Variants in ANK3 observed in about 807,000 individuals in gnomAD.
ANK3 encodes the protein ankyrin 3, also known as ankyrin-3.
ANK3 carries 57 observed loss-of-function variants against 370.9 expected under a neutral mutation model. The observed-to-expected ratio is 0.15, with a 90% CI of 0.12 to 0.19. The LOEUF (loss-of-function observed/expected upper bound fraction) is 0.19, where lower values mean the gene tolerates loss of function less well. Among genes scored for constraint, ANK3 ranks in the 10% least tolerant of loss-of-function variants. The pLI, the probability that ANK3 is intolerant of heterozygous loss-of-function variation, is 1.00. For synonymous variants in ANK3, 1,929 were observed against 1,946.3 expected (o/e 0.99, Z 0.23); for missense variants, 4,439 against 5,302.1 (o/e 0.84, Z 5.06).
At chr10:60,493,428 T>A (rs1367666844) in intron 2 of ANK3, among the ~76,000 whole-genome samples, 1 of 151,822 alleles carries the variant, frequency 6.6e-6, no homozygotes, top group Non-Finnish European at 1.5e-5. Flanking sequence ...AGGAGAAGAA[T>A]GAGCACAAGA....
upstream of ANK3, among the ~76,000 whole-genome samples, chr10:60,390,731 C>A (rs76716034): frequency 0.19 from 12,555 of 65,430 alleles, 686 homozygotes; most frequent in South Asian, 0.37. Flanking sequence ...AAAAAAAGAA[C>A]ACACACACAC....
chr10:60,317,039 C>A (rs1383246565), intron 1 of ANK3, among the ~76,000 whole-genome samples: 1 of 152,180 alleles, frequency 6.6e-6, no homozygotes, highest in Non-Finnish European at 1.5e-5. Context: ...AGCCACCGTG[C>A]CTGGCCCCAT....
chr10:60,411,073 T>C (rs1342116374), intron 2 of ANK3, among the ~76,000 whole-genome samples: 3 of 152,152 alleles, frequency 2.0e-5, no homozygotes, highest in East Asian at 3.9e-4. Flanking sequence ...AACTGGTGGA[T>C]AATGGAGCCC....
At position 60,315,376 on chromosome 10, in the gene ANK3, T is replaced by C. The variant is rs138999413; in HGVS notation, c.115-35737A>G. On this transcript the variant is annotated intron_variant, in intron 1 of 43. Coordinates refer to ENST00000280772, the MANE Select transcript of ANK3 (RefSeq NM_020987.5). ...CTTTCACTGAGGTGTGCAAATGAAA[T>C]CCACAGTAGATCACTGGTTAAATCC... is the stretch of plus-strand genomic sequence containing the variant. 1.8e-3 allele frequency among the ~76,000 whole-genome samples: 268 copies of C among 152,216 alleles called. 2 individuals carry two copies. Among genetic ancestry groups the C allele is most frequent in the African/African-American group, 6.2e-3 (258 of 41,542 alleles).
At chr10:60,729,405 C>A (rs1467364162) in intron 1 of ANK3, among the ~76,000 whole-genome samples, 3 of 152,188 alleles carry the variant, frequency 2.0e-5, no homozygotes, top group Non-Finnish European at 4.4e-5. Context: ...CAATAAATCA[C>A]CATAGTTATC....
intron 1 of ANK3, among the ~76,000 whole-genome samples, chr10:60,291,259 A>C (rs1316374541): frequency 6.6e-6 from 1 of 152,120 alleles, no homozygotes; most frequent in African/African-American, 2.4e-5. Context: ...AGCCAGTTTC[A>C]CTTGTCTCTT....
rs1564493644 is a variant in ANK3 at position 60,653,396 on chromosome 10, AT to A, written c.58-38173del. ...ACAGATTTCCCGTTGTTCCAGTAGT[AT>A]TTTTTTAAAAGACTTTTATTCCCCC... On this transcript the variant is annotated intron_variant, in intron 1 of 43. Coordinates refer to the ANK3 transcript ENST00000373827. Among the ~76,000 whole-genome samples, 4 of 151,918 alleles carry A rather than the reference AT, an allele frequency of 2.6e-5. No homozygotes were observed. The South Asian group carries it at 6.3e-4, about 24-fold the overall frequency.
intron 1 of ANK3, among the ~76,000 whole-genome samples, chr10:60,642,567 G>GTGGGAATTGAACAA (rs2078649497): frequency 6.6e-6 from 1 of 151,636 alleles, no homozygotes; most frequent in African/African-American, 2.4e-5. Flanking sequence ...TCACTCATAG[G>GTGGGAATTGAACAA]TGGGAATTGA....
intron 2 of ANK3, among the ~76,000 whole-genome samples, chr10:60,522,055 G>A (rs759943690): frequency 2.6e-5 from 4 of 152,058 alleles, no homozygotes; most frequent in African/African-American, 4.8e-5. Context: ...ATTAATCAGG[G>A]TAGTAAGAAA....
chr10:60,168,621 TGG>T (rs1480291379), intron 21 of ANK3, among the ~76,000 whole-genome samples: 1 of 152,142 alleles, frequency 6.6e-6, no homozygotes, highest in Admixed American at 6.5e-5. Flanking sequence ...ATGTGTGCCA[TGG>T]TGGTTTACTG....
rs2076752285 is a variant in ANK3, at chr10:60,537,558, A to G, written c.96+77628T>C. ...AGAGTCACTCTTAGTATATATTGCAATATTATATTCACAGTACCCCAACTC... is the reference window on the plus strand; with the variant it reads ...AGAGTCACTCTTAGTATATATTGCAGTATTATATTCACAGTACCCCAACTC... On this transcript the variant is annotated intron_variant, in intron 2 of 43. Coordinates refer to the ANK3 transcript ENST00000373827. 2.0e-5 allele frequency among the ~76,000 whole-genome samples: 3 copies of G among 151,952 alleles called. No individual in the cohort carries two copies. The South Asian group carries it at 6.2e-4, about 31-fold the overall frequency.
chr10:60,397,452 C>T (rs1411809300), intron 2 of ANK3, among the ~76,000 whole-genome samples: 1 of 152,158 alleles, frequency 6.6e-6, no homozygotes, highest in Non-Finnish European at 1.5e-5. Context: ...TGCTTCTTCC[C>T]TATCTTACTA....
intron 1 of ANK3, among the ~76,000 whole-genome samples, chr10:60,295,482 AGTTT>A (rs2042300811): frequency 6.6e-6 from 1 of 152,232 alleles, no homozygotes; most frequent in Non-Finnish European, 1.5e-5. Flanking sequence ...TTAATATTCT[AGTTT>A]GTTTGGCTAC....
In ANK3 at chr10:60,084,519, T is replaced by C. The variant is rs781571311; in HGVS notation, c.4074+83A>G. 1.1e-5 allele frequency: 12 copies of C among 1,046,404 alleles called. No homozygotes were observed. The East Asian group carries it at 1.2e-4, about 10-fold the overall frequency. 64.8% of individuals were successfully genotyped at this position (1,046,404 alleles called of 1,614,324 possible). ...AATCAATAATGCACTTGGTATTTTATAGTGAGTGCTATTAAGACCACAAAA... is the reference window on the plus strand; with the variant it reads ...AATCAATAATGCACTTGGTATTTTACAGTGAGTGCTATTAAGACCACAAAA... On this transcript the variant is annotated intron_variant, in intron 32 of 43. Transcript: ENST00000280772.
At chr10:60,614,824 T>C (rs1400795729) in intron 2 of ANK3, among the ~76,000 whole-genome samples, 2 of 152,160 alleles carry the variant, frequency 1.3e-5, no homozygotes, top group Admixed American at 6.5e-5. Flanking sequence ...TTTCATGGCA[T>C]TATCAATGGA....
At chr10:60,284,362 A>G (rs1428089808) in intron 1 of ANK3, among the ~76,000 whole-genome samples, 1 of 152,154 alleles carries the variant, frequency 6.6e-6, no homozygotes, top group Non-Finnish European at 1.5e-5. Flanking sequence ...TGTCAGCCCT[A>G]GCAAACTAAC....
rs956150944 is a variant in ANK3, at chr10:60,567,124, G to A, written c.96+48062C>T. On this transcript the variant is annotated intron_variant, in intron 2 of 43. Coordinates refer to the ANK3 transcript ENST00000373827. ...GATCTAGCAAAGAAAACTGATGAAG[G>A]TGGTTACACTAAACCACAGATTTTT... Among the ~76,000 whole-genome samples, 7 of 152,172 alleles carry A rather than the reference G, an allele frequency of 4.6e-5. No individual in the cohort carries two copies. In the South Asian group the frequency reaches 1.0e-3, roughly 23 times the overall value.
chr10:60,163,224 C>T (rs1239094394), intron 23 of ANK3, among the ~76,000 whole-genome samples: 2 of 152,026 alleles, frequency 1.3e-5, no homozygotes, highest in Non-Finnish European at 2.9e-5. Flanking sequence ...AATCAAGATA[C>T]TAGTTTTGTA....
intron 1 of ANK3, among the ~76,000 whole-genome samples, chr10:60,659,862 C>T (rs1013777693): frequency 1.3e-5 from 2 of 152,032 alleles, no homozygotes; most frequent in Non-Finnish European, 2.9e-5. Flanking sequence ...AATGGGCATC[C>T]TTTGTTTCTA....
Sources: allele counts gnomAD v4.1 joint callset (sites outside exome capture counted in the v4.1 genomes callset), GRCh38; gene constraint gnomAD v4.1.1; transcripts MANE v1.5; gene names NCBI Gene and HGNC (gene_info 2026-07-23, HGNC 2026-07-21).